Variants in AIG1 observed in about 807,000 individuals in gnomAD.
The protein encoded by AIG1 is androgen-induced gene 1 protein.
A neutral mutation model predicts 31.4 loss-of-function variants in AIG1; 23 were observed. The ratio of observed to expected loss-of-function variants is 0.73; its 90% CI spans 0.53 to 1.04. The LOEUF is 1.04. Ranked by LOEUF, AIG1 falls within the 50% of genes least tolerant of loss-of-function variation. AIG1 has a pLI of 0.00. For missense variants in AIG1, 274 were observed against 295.0 expected, an observed-to-expected ratio of 0.93 and a Z score of 0.52; for synonymous variants, 100 against 110.5, an observed-to-expected ratio of 0.90 and a Z score of 0.60.
At chr6:143,143,417 C>T (rs1421573713) in intron 2 of AIG1, among the ~76,000 whole-genome samples, 2 of 137,890 alleles carry the variant, frequency 1.5e-5, no homozygotes, top group East Asian at 2.3e-4. Context: ...AGGAGAATGG[C>T]GTGAACCCAG....
chr6:143,080,331 C>A (rs1044830051), intron 1 of AIG1, among the ~76,000 whole-genome samples: 10 of 152,132 alleles, frequency 6.6e-5, no homozygotes, highest in African/African-American at 2.4e-4. Flanking sequence ...TCATGGACTG[C>A]ATCTGGGGCT....
chr6:143,190,105 G>T (rs1789650780), intron 3 of AIG1: 1 of 886,082 alleles, frequency 1.1e-6, no homozygotes, highest in Non-Finnish European at 1.4e-6. Context: ...TTCCCAAAGG[G>T]CCATCTCCTA....
At chr6:143,189,242 G>A in intron 3 of AIG1, 6 of 423,986 alleles carry the variant, frequency 1.4e-5, no homozygotes, top group Non-Finnish European at 1.9e-5. Context: ...GAGACAATGG[G>A]CTCACTATGT....
intron 3 of AIG1, among the ~76,000 whole-genome samples, chr6:143,209,009 G>A (rs1417361839): frequency 2.0e-5 from 3 of 151,976 alleles, no homozygotes; most frequent in African/African-American, 7.2e-5. Context: ...GAAAGGCTGA[G>A]GGGTTTTGCC....
intron 4 of AIG1, among the ~76,000 whole-genome samples, chr6:143,306,575 T>C (rs1799329084): frequency 6.6e-6 from 1 of 152,256 alleles, no homozygotes; most frequent in Non-Finnish European, 1.5e-5. Flanking sequence ...GATCCACTGT[T>C]AGTCTGATGG....
chr6:143,199,083 A>T (rs1790488177), intron 3 of AIG1, among the ~76,000 whole-genome samples: 1 of 152,236 alleles, frequency 6.6e-6, no homozygotes, highest in Admixed American at 6.5e-5. Flanking sequence ...TCCAGTGCAT[A>T]TGCTAAAAGA....
chr6:143,291,558 C>G lies in AIG1; in HGVS notation c.515+7333C>G, dbSNP rs1475904724. 6.6e-6 allele frequency among the ~76,000 whole-genome samples: 1 copy of G among 152,228 alleles called. No homozygotes were observed. Among genetic ancestry groups the G allele is most frequent in the African/African-American group, 2.4e-5 (1 of 41,454 alleles). On this transcript the variant is annotated intron_variant, in intron 4 of 5. Coordinates refer to ENST00000357847, the MANE Select transcript of AIG1 (RefSeq NM_016108.4). The surrounding 1 kb of genome is among the most constrained non-coding windows in gnomAD (Gnocchi z 4.2). Reference sequence around the variant, plus strand: ...AGGGATTTGCCAATGACAGGGAAAGCCCCTTGCATAAGCACAGGCAGTGAA... The same window carrying G: ...AGGGATTTGCCAATGACAGGGAAAGGCCCTTGCATAAGCACAGGCAGTGAA...
intron 3 of AIG1, chr6:143,186,746 C>T (rs900274154): frequency 3.3e-5 from 5 of 152,554 alleles, no homozygotes; most frequent in African/African-American, 4.8e-5. Context: ...GGTCCTGAAC[C>T]GGATAACCTT....
chr6:143,174,680 A>G (rs1787966879), intron 3 of AIG1, among the ~76,000 whole-genome samples: 1 of 152,016 alleles, frequency 6.6e-6, no homozygotes, highest in African/African-American at 2.4e-5. Context: ...TCTTTTAAGT[A>G]GAGGATTTAG....
At chr6:143,252,722 A>G (rs1158536394) in intron 3 of AIG1, among the ~76,000 whole-genome samples, 13 of 152,200 alleles carry the variant, frequency 8.5e-5, no homozygotes, top group Admixed American at 8.5e-4. Flanking sequence ...GCAGCTTAAA[A>G]CAACGCACAT....
At chr6:143,195,266 G>T (rs1464783056) in intron 3 of AIG1, among the ~76,000 whole-genome samples, 2 of 152,140 alleles carry the variant, frequency 1.3e-5, no homozygotes, top group Non-Finnish European at 2.9e-5. Flanking sequence ...GGTAAAGGTG[G>T]AGTATAGCTG....
intron 1 of AIG1, among the ~76,000 whole-genome samples, chr6:143,106,223 A>G (rs1181910476): frequency 6.6e-6 from 1 of 152,198 alleles, no homozygotes; most frequent in Non-Finnish European, 1.5e-5. Context: ...GCATGACGGC[A>G]GAGATGGGAG....
At chr6:143,168,922 C>T (rs560203912) in intron 3 of AIG1, among the ~76,000 whole-genome samples, 8 of 151,826 alleles carry the variant, frequency 5.3e-5, no homozygotes, top group East Asian at 1.9e-4. Context: ...ATCAGTAGAG[C>T]GAACATTTTG....
At position 143,333,396 on chromosome 6, in the gene AIG1, G is replaced by C. The variant is rs1285836658; in HGVS notation, c.630G>C (p.Leu210=). 4.3e-6 allele frequency: 7 copies of C among 1,613,802 alleles called. No homozygotes were observed. In the South Asian group the frequency reaches 6.6e-5, roughly 15 times the overall value. ...FGSTTILMNF[L]YLLGEVLNNY... is the part of the protein sequence containing the mutation. ...CTACAACCATCTTAATGAACTTCCTGTACCTGCTGGGAGAAGTTCTGAACA... is the reference window on the plus strand; with the variant it reads ...CTACAACCATCTTAATGAACTTCCTCTACCTGCTGGGAGAAGTTCTGAACA... The change falls in exon 5 of 6, where the codon CTG becomes CTC. Residue 210 remains leucine (L), a synonymous_variant. Transcript: ENST00000357847. The surrounding 1 kb of genome is among the most constrained non-coding windows in gnomAD (Gnocchi z 4.6).
intron 3 of AIG1, among the ~76,000 whole-genome samples, chr6:143,230,769 T>C (rs181233995): frequency 3.9e-5 from 6 of 152,282 alleles, no homozygotes; most frequent in Admixed American, 2.6e-4. Flanking sequence ...TGTTCTTAGA[T>C]ATAGGAAAGC....
intron 1 of AIG1, among the ~76,000 whole-genome samples, chr6:143,129,252 C>G (rs1782990979): frequency 6.6e-6 from 1 of 152,162 alleles, no homozygotes; most frequent in Non-Finnish European, 1.5e-5. Context: ...GATCGCACCA[C>G]TGCACTCCAG....
chr6:143,178,378 C>T (rs181953320), intron 3 of AIG1, among the ~76,000 whole-genome samples: 2 of 152,150 alleles, frequency 1.3e-5, no homozygotes, highest in Admixed American at 6.5e-5. Context: ...CTGTGTCCTG[C>T]GGGCATGGGA....
upstream of AIG1, chr6:143,060,742 C>G (rs987889401): frequency 9.1e-6 from 2 of 220,230 alleles, no homozygotes; most frequent in African/African-American, 4.8e-5. Context: ...GTACAGGTCA[C>G]CCGGGCGCTC....
At chr6:143,078,088 A>G (rs1396464827) in intron 1 of AIG1, among the ~76,000 whole-genome samples, 1 of 151,930 alleles carries the variant, frequency 6.6e-6, no homozygotes, top group Admixed American at 6.6e-5. Context: ...TAGATTGTTT[A>G]ATTTCTATTG....
Sources: allele counts gnomAD v4.1 joint callset (sites outside exome capture counted in the v4.1 genomes callset), GRCh38; gene constraint gnomAD v4.1.1; non-coding constraint Gnocchi (gnomAD v3.1); transcripts MANE v1.5; gene names NCBI Gene and HGNC (gene_info 2026-07-23, HGNC 2026-07-21).